The following PDE4D variants were observed in gnomAD, a reference collection of about 807,000 sequenced individuals.
PDE4D encodes the protein 3',5'-cyclic-AMP phosphodiesterase 4D.
Under a neutral mutation model 87.4 loss-of-function variants are expected in PDE4D, and 24 were observed. The observed-to-expected ratio is 0.27, with a 90% CI of 0.20 to 0.39. The LOEUF (loss-of-function observed/expected upper bound fraction) is 0.39. PDE4D is among the 10% of genes least tolerant of loss of function. The pLI is 1.00. For missense variants in PDE4D, 714 were observed against 1,041.0 expected (o/e 0.69, Z 4.32); for synonymous variants, 384 against 383.2 (o/e 1.00, Z -0.02).
intron 1 of PDE4D, among the ~76,000 whole-genome samples, chr5:60,361,244 G>T (rs1272640676): frequency 3.9e-5 from 6 of 152,136 alleles, no homozygotes; most frequent in Non-Finnish European, 8.8e-5. Context: ...CCCATGGACT[G>T]GTTCCCAATA....
chr5:60,167,431 G>A (rs1025410999), intron 2 of PDE4D, among the ~76,000 whole-genome samples: 8 of 151,422 alleles, frequency 5.3e-5, no homozygotes, highest in African/African-American at 1.9e-4. Context: ...ACCTCGCCCG[G>A]CTAATTTTTT....
intron 1 of PDE4D, among the ~76,000 whole-genome samples, chr5:60,232,370 A>T (rs7710822): frequency 0.53 from 80,457 of 151,552 alleles, 22,071 homozygotes; most frequent in African/African-American, 0.65. Context: ...CAAGGAATAA[A>T]CCTACTTCTT....
chr5:59,785,750 G>A (rs1188484943), intron 1 of PDE4D, among the ~76,000 whole-genome samples: 1 of 152,214 alleles, frequency 6.6e-6, no homozygotes, highest in Non-Finnish European at 1.5e-5. Context: ...TGAAGGTTTT[G>A]TAAACTGATA....
chr5:59,929,296 T>C (rs918928599), intron 3 of PDE4D, among the ~76,000 whole-genome samples: 1 of 152,186 alleles, frequency 6.6e-6, no homozygotes, highest in Non-Finnish European at 1.5e-5. Flanking sequence ...TAATTTATGA[T>C]ATCAGCTTTA....
At chr5:59,673,361 GT>G (rs1222246741) in intron 1 of PDE4D, among the ~76,000 whole-genome samples, 2 of 152,168 alleles carry the variant, frequency 1.3e-5, no homozygotes, top group Non-Finnish European at 2.9e-5. Flanking sequence ...TTACTAGTAT[GT>G]TTTTGGAAAG....
intron 2 of PDE4D, among the ~76,000 whole-genome samples, chr5:60,046,828 C>CT (rs1255465667): frequency 6.6e-6 from 1 of 151,784 alleles, no homozygotes; most frequent in Non-Finnish European, 1.5e-5. Context: ...CTAAAATTCT[C>CT]TTTTTTGGTT....
intron 1 of PDE4D, among the ~76,000 whole-genome samples, chr5:60,450,931 C>G (rs547494564): frequency 1.3e-5 from 2 of 152,082 alleles, no homozygotes; most frequent in Non-Finnish European, 2.9e-5. Context: ...CTATTACTGT[C>G]GCCTACATAT....
Position 58,975,569 on chromosome 5 carries a change from G to A in PDE4D, c.2013+88C>T. The A allele has an allele frequency of 9.6e-7, 1 of 1,041,432 alleles. No individual in the cohort carries two copies. 64.5% of individuals were successfully genotyped at this position (1,041,432 alleles called of 1,614,324 possible). Reference sequence around the variant, plus strand: ...AAAACAAAGTAATTTTAAAAATCCAGTAAAATACTATCATATGTAATACAA... The same window carrying A: ...AAAACAAAGTAATTTTAAAAATCCAATAAAATACTATCATATGTAATACAA... On this transcript the variant is annotated intron_variant, in intron 14 of 14. Transcript: ENST00000340635. The surrounding 1 kb of genome is among the most constrained non-coding windows in gnomAD (Gnocchi z 4.2).
Position 60,066,262 on chromosome 5 carries a change from G to A in PDE4D, c.43-77545C>T, listed in dbSNP as rs55907841. Among the ~76,000 whole-genome samples, 704 of 151,996 alleles carry A rather than the reference G, an allele frequency of 4.6e-3. 2 individuals are homozygous for A. The highest frequency in any genetic ancestry group is 7.4e-3 in the Non-Finnish European group (502 of 67,940). ...TGAGAAGTGTCTGTTCATATCCTTC[G>A]CCCACTTTTTGATGGGGTTGTTTGT... On this transcript the variant is annotated intron_variant, in intron 2 of 16. Coordinates refer to the PDE4D transcript ENST00000502484.
chr5:59,765,492 G>C (rs760798696), intron 1 of PDE4D, among the ~76,000 whole-genome samples: 7 of 152,194 alleles, frequency 4.6e-5, no homozygotes, highest in Non-Finnish European at 8.8e-5. Flanking sequence ...CCTTGGAACA[G>C]AGCTATGTTT....
intron 1 of PDE4D, among the ~76,000 whole-genome samples, chr5:59,246,325 G>C (rs1339180590): frequency 6.6e-6 from 1 of 151,982 alleles, no homozygotes; most frequent in African/African-American, 2.4e-5. Flanking sequence ...CTTCACTGTA[G>C]GTCTGTGTGT....
At chr5:59,148,608 T>C (rs1478754913) in intron 5 of PDE4D, among the ~76,000 whole-genome samples, 1 of 152,206 alleles carries the variant, frequency 6.6e-6, no homozygotes, top group Non-Finnish European at 1.5e-5. Context: ...TTTAATTGGT[T>C]ACGAATTGTA....
chr5:60,462,620 G>C (rs1235624400), intron 1 of PDE4D, among the ~76,000 whole-genome samples: 1 of 152,178 alleles, frequency 6.6e-6, no homozygotes, highest in African/African-American at 2.4e-5. Context: ...AGCATGAAAG[G>C]TATCTTAACT....
intron 2 of PDE4D, among the ~76,000 whole-genome samples, chr5:60,121,918 T>C (rs1198922516): frequency 6.6e-6 from 1 of 152,154 alleles, no homozygotes; most frequent in African/African-American, 2.4e-5. Context: ...CTAGAGACAA[T>C]GCAGGTACAG....
intron 2 of PDE4D, among the ~76,000 whole-genome samples, chr5:60,060,088 G>C (rs1771225197): frequency 6.6e-6 from 1 of 151,926 alleles, no homozygotes; most frequent in African/African-American, 2.4e-5. Context: ...AGATAATTTG[G>C]AGAAGAGAAG....
chr5:60,366,921 A>G (rs538438161), intron 1 of PDE4D, among the ~76,000 whole-genome samples: 44 of 152,344 alleles, frequency 2.9e-4, no homozygotes, highest in Non-Finnish European at 5.9e-4. Context: ...AATCTCTTAA[A>G]TGAAACAGAT....
chr5:60,426,705 T>C (rs559649111), intron 1 of PDE4D, among the ~76,000 whole-genome samples: 1 of 152,154 alleles, frequency 6.6e-6, no homozygotes, highest in African/African-American at 2.4e-5. Flanking sequence ...ATATGATACA[T>C]AGGCAAGCAA....
chr5:59,711,356 AAT>A lies in PDE4D; in HGVS notation c.455+181810_455+181811del, dbSNP rs572464043. On this transcript the variant is annotated intron_variant, in intron 1 of 14. Coordinates refer to ENST00000340635, the MANE Select transcript of PDE4D (RefSeq NM_001104631.2). Reference sequence around the variant, plus strand: ...GCAGTATTTATCTTCTTTTAAAAATAATAGTTAAATAAAAATTAACAATGTAA... The same window carrying A: ...GCAGTATTTATCTTCTTTTAAAAATAAGTTAAATAAAAATTAACAATGTAA... Among the ~76,000 whole-genome samples, 127 of 152,270 alleles carry A rather than the reference AAT, an allele frequency of 8.3e-4. 1 individual carries two copies. The highest frequency in any genetic ancestry group is 3.0e-3 in the African/African-American group (124 of 41,572).
chr5:59,593,155 A>G (rs1009611993), intron 1 of PDE4D, among the ~76,000 whole-genome samples: 1 of 152,082 alleles, frequency 6.6e-6, no homozygotes, highest in Non-Finnish European at 1.5e-5. Context: ...CTGAAATGGA[A>G]TTACATTTCA....
Sources: gnomAD v4.1 joint callset for allele counts (sites outside exome capture counted in the v4.1 genomes callset) on GRCh38, gnomAD v4.1.1 for gene constraint, Gnocchi (gnomAD v3.1) non-coding constraint, MANE v1.5 for transcripts, NCBI Gene and HGNC (gene_info 2026-07-23, HGNC 2026-07-21) for gene names.